Variants in CENPK observed in about 807,000 individuals in gnomAD.
The protein encoded by CENPK is centromere protein K, also known as SoxLZ/Sox6-binding protein Solt.
CENPK carries 46 observed loss-of-function variants against 40.9 expected under a neutral mutation model. The ratio of observed to expected loss-of-function variants is 1.13; its 90% CI spans 0.89 to 1.44. The LOEUF (loss-of-function observed/expected upper bound fraction) is 1.44. Among genes scored for constraint, CENPK ranks in the 40% most tolerant of loss-of-function variants. The pLI is 0.00. For missense variants in CENPK, 288 were observed against 303.5 expected (o/e 0.95, Z 0.38); for synonymous variants, 107 against 104.4 (o/e 1.02, Z -0.15).
rs145410204 is a variant in CENPK, at chr5:65,561,244, T to A, written c.-40+219A>T. On this transcript the variant is annotated intron_variant, in intron 2 of 10. Transcript: ENST00000396679. ...AAGTTCACAAAGCCAAAATCAGTCA[T>A]CATGAATTTTAGAATATTTTTAAGC... 2.6e-3 allele frequency: 652 copies of A among 249,992 alleles called. 5 individuals are homozygous for A. The highest frequency in any genetic ancestry group is 0.013 in the African/African-American group (599 of 45,012). 15.5% of individuals were successfully genotyped at this position (249,992 alleles called of 1,614,324 possible).
chr5:65,536,480 T>G (rs904029829), intron 6 of CENPK, among the ~76,000 whole-genome samples: 1 of 151,958 alleles, frequency 6.6e-6, no homozygotes, highest in Non-Finnish European at 1.5e-5. Flanking sequence ...ATAAAAAAAT[T>G]AGCCAGGCAT....
Position 65,518,523 on chromosome 5 carries a change from T to A in CENPK, c.762A>T (p.Arg254Ser), listed in dbSNP as rs1001577205. 2 of 1,613,164 alleles carry A rather than the reference T, an allele frequency of 1.2e-6. No homozygotes were observed. Among genetic ancestry groups the A allele is most frequent in the African/African-American group, 1.3e-5 (1 of 74,888 alleles). Residue 254 changes from arginine (R) to serine (S), a missense_variant, in exon 11 of 11, where the codon AGA becomes AGT. By Grantham distance (110) the Arg-to-Ser change is moderately radical (BLOSUM62 -1). Coordinates refer to ENST00000396679, the MANE Select transcript of CENPK (RefSeq NM_022145.5). ...ELLLRNGIAL[R>S]HPEDPTRIRL... ...TTATTCGGGTTGGATCTTCTGGATG[T>A]CTCAAGGCAATTCCATTACGCAGCA...
intron 5 of CENPK, 118 bp downstream of exon 5, chr5:65,551,446 A>G (rs1244007460): frequency 2.5e-5 from 14 of 570,788 alleles, no homozygotes; most frequent in Non-Finnish European, 3.7e-5. Flanking sequence ...CTCGGTATCA[A>G]TGAAATTTGG....
chr5:65,508,537 C>A, the CENPK span, among the ~76,000 whole-genome samples: 2 of 152,132 alleles, frequency 1.3e-5, no homozygotes, highest in African/African-American at 4.8e-5. Context: ...GTAAGCCCAG[C>A]ACTTTGAGAG....
intron 6 of CENPK, among the ~76,000 whole-genome samples, chr5:65,539,178 T>C (rs553119992): frequency 7.9e-5 from 12 of 152,364 alleles, no homozygotes; most frequent in African/African-American, 2.4e-4. Context: ...CATTCATATT[T>C]AAAACTCGAA....
chr5:65,540,140 G>C (rs758966555), intron 6 of CENPK, among the ~76,000 whole-genome samples: 9 of 152,266 alleles, frequency 5.9e-5, no homozygotes, highest in South Asian at 2.1e-4. Flanking sequence ...GTAGGGATAG[G>C]CTGACAATTT....
chr5:65,553,247 T>C (rs1020420930), intron 3 of CENPK, among the ~76,000 whole-genome samples: 2 of 151,912 alleles, frequency 1.3e-5, no homozygotes, highest in Non-Finnish European at 2.9e-5. Flanking sequence ...CTGGGAAGAA[T>C]AGGATGCTAA....
chr5:65,505,029 AC>A, the CENPK span, among the ~76,000 whole-genome samples: 1 of 152,114 alleles, frequency 6.6e-6, no homozygotes, highest in African/African-American at 2.4e-5. Context: ...TCCAGGTATA[AC>A]CAATCCTCTG....
downstream of CENPK, among the ~76,000 whole-genome samples, chr5:65,513,972 G>C (rs1349937686): frequency 1.3e-5 from 2 of 152,104 alleles, no homozygotes; most frequent in Non-Finnish European, 2.9e-5. Context: ...GTATTGATAT[G>C]ATCATGACCT....
intron 9 of CENPK, among the ~76,000 whole-genome samples, chr5:65,521,891 C>G (rs1048985170): frequency 6.6e-6 from 1 of 152,112 alleles, no homozygotes. Flanking sequence ...AGTGAGCCAC[C>G]GCGTTTGGCC....
chr5:65,505,790 T>C, the CENPK span, among the ~76,000 whole-genome samples: 18 of 152,266 alleles, frequency 1.2e-4, no homozygotes, highest in African/African-American at 4.3e-4. Flanking sequence ...TATTCAGATA[T>C]TACTTATTTA....
chr5:65,502,681 G>T, the CENPK span, among the ~76,000 whole-genome samples: 1 of 152,102 alleles, frequency 6.6e-6, no homozygotes, highest in Non-Finnish European at 1.5e-5. Flanking sequence ...GCAGTGGTGA[G>T]ATCACTGCAG....
At chr5:65,560,481 T>G (rs1459124648) in intron 2 of CENPK, among the ~76,000 whole-genome samples, 1 of 152,154 alleles carries the variant, frequency 6.6e-6, no homozygotes, top group Admixed American at 6.5e-5. Flanking sequence ...GGTGTTCACC[T>G]CATAATAATT....
chr5:65,546,376 C>T (rs1234002802), intron 5 of CENPK, among the ~76,000 whole-genome samples: 2 of 152,050 alleles, frequency 1.3e-5, no homozygotes, highest in African/African-American at 4.8e-5. Flanking sequence ...AAATTGGGAG[C>T]TGATCAAATA....
In CENPK at chr5:65,518,338, A is replaced by G; in HGVS notation, c.*137T>C. The G allele has an allele frequency of 1.3e-6, 1 of 769,272 alleles. No homozygotes were observed. The highest frequency in any genetic ancestry group is 2.1e-6 in the Non-Finnish European group (1 of 482,880). The allele number at this position is 769,272 out of a possible 1,614,324, so 47.7% of individuals were successfully genotyped here. A position where few individuals can be genotyped will look rare whatever the true frequency, so the allele number is the denominator to read the frequency against. On this transcript the variant is annotated 3_prime_UTR_variant, in exon 11 of 11. Transcript: ENST00000396679. ...TTAAAAATGAATAATAGATGGCAGC[A>G]CATGCCATTTTGCAATAAAAGTAAG...
chr5:65,534,050 C>CAAAAAAAAAAA (rs60018569), intron 6 of CENPK, among the ~76,000 whole-genome samples: 1 of 90,968 alleles, frequency 1.1e-5, no homozygotes, highest in African/African-American at 4.7e-5. Flanking sequence ...ACCGTCTCAA[C>CAAAAAAAAAAA]AAAAAAAAAA....
At chr5:65,509,195 G>A in the CENPK span, among the ~76,000 whole-genome samples, 1 of 152,138 alleles carries the variant, frequency 6.6e-6, no homozygotes, top group Non-Finnish European at 1.5e-5. Context: ...TTTGCTTTGT[G>A]AGTCAGGCAG....
chr5:65,563,139 A>C lies in CENPK; in HGVS notation c.-183T>G, dbSNP rs748792667. 1.2e-6 allele frequency: 1 copy of C among 801,400 alleles called. No individual in the cohort carries two copies. The highest frequency in any genetic ancestry group is 1.9e-6 in the Non-Finnish European group (1 of 522,464). 49.6% of individuals were successfully genotyped at this position (801,400 alleles called of 1,614,324 possible). On this transcript the variant is annotated 5_prime_UTR_variant, in exon 1 of 11. Transcript: ENST00000396679. ...ACTCCAGGTCGCCTAGGCGCTGCGC[A>C]GGAAGCGCTTGCCAGCCCCGGACTT...
chr5:65,545,408 A>G (rs1748753719), intron 5 of CENPK, among the ~76,000 whole-genome samples: 1 of 151,396 alleles, frequency 6.6e-6, no homozygotes, highest in Non-Finnish European at 1.5e-5. Flanking sequence ...AAAACCGATC[A>G]GAATGACAGC....
Sources: gnomAD v4.1 joint callset for allele counts (sites outside exome capture counted in the v4.1 genomes callset) on GRCh38, gnomAD v4.1.1 for gene constraint, MANE v1.5 for transcripts, NCBI Gene and HGNC (gene_info 2026-07-23, HGNC 2026-07-21) for gene names.